CSMD1: variants seen among roughly 807,000 people sequenced by gnomAD.
The protein encoded by CSMD1 is CUB and Sushi multiple domains 1, also known as CUB and sushi domain-containing protein 1.
CSMD1 carries 213 observed loss-of-function variants against 417.5 expected under a neutral mutation model. That is an observed-to-expected ratio of 0.51 (90% CI 0.46 to 0.57). The LOEUF (loss-of-function observed/expected upper bound fraction) is 0.57. Among genes scored for constraint, CSMD1 ranks in the 20% least tolerant of loss-of-function variants. CSMD1 has a pLI of 0.00. For synonymous variants in CSMD1, 2,862 were observed against 1,736.8 expected, an observed-to-expected ratio of 1.65 and a Z score of -16.11; for missense variants, 6,923 against 4,529.7, an observed-to-expected ratio of 1.53 and a Z score of -15.17.
chr8:4,120,220 A>C (rs1040039100), intron 3 of CSMD1, among the ~76,000 whole-genome samples: 1 of 152,186 alleles, frequency 6.6e-6, no homozygotes, highest in African/African-American at 2.4e-5. Context: ...AAAAAAAATT[A>C]ATTGGCTGAC....
intron 1 of CSMD1, among the ~76,000 whole-genome samples, chr8:4,940,464 G>C (rs1367390470): frequency 6.6e-6 from 1 of 152,148 alleles, no homozygotes; most frequent in Non-Finnish European, 1.5e-5. Context: ...ACAAGAGTTG[G>C]GAAGGGCATG....
chr8:3,523,586 G>C (rs1797605811), intron 10 of CSMD1, among the ~76,000 whole-genome samples: 1 of 150,844 alleles, frequency 6.6e-6, no homozygotes, highest in Non-Finnish European at 1.5e-5. Context: ...TGTACACACA[G>C]ACATATGCAC....
At chr8:4,216,000 T>A (rs1489315896) in intron 3 of CSMD1, among the ~76,000 whole-genome samples, 2 of 152,218 alleles carry the variant, frequency 1.3e-5, no homozygotes, top group Non-Finnish European at 2.9e-5. Context: ...GGTGCCCATT[T>A]CAGCCACAAA....
intron 7 of CSMD1, among the ~76,000 whole-genome samples, chr8:3,617,501 A>T (rs1181588231): frequency 6.6e-6 from 1 of 152,128 alleles, no homozygotes; most frequent in Non-Finnish European, 1.5e-5. Flanking sequence ...TGCTTAGCAG[A>T]GGGCTTGGGA....
At chr8:4,719,345 C>T (rs1050238677) in intron 1 of CSMD1, among the ~76,000 whole-genome samples, 2 of 152,112 alleles carry the variant, frequency 1.3e-5, no homozygotes, top group African/African-American at 4.8e-5. Flanking sequence ...TTCTCTCTCA[C>T]GTGCCAATGC....
At chr8:3,521,371 G>C (rs1797501386) in intron 10 of CSMD1, among the ~76,000 whole-genome samples, 1 of 152,036 alleles carries the variant, frequency 6.6e-6, no homozygotes, top group Non-Finnish European at 1.5e-5. Context: ...CATGATGTCA[G>C]CCCTGTTGTC....
At chr8:3,881,089 A>G (rs1806173257) in intron 5 of CSMD1, among the ~76,000 whole-genome samples, 1 of 152,200 alleles carries the variant, frequency 6.6e-6, no homozygotes, top group Non-Finnish European at 1.5e-5. Flanking sequence ...TGAATGCACG[A>G]AATCTGAAAT....
chr8:4,852,613 T>C (rs1357301814), intron 1 of CSMD1, among the ~76,000 whole-genome samples: 2 of 152,170 alleles, frequency 1.3e-5, no homozygotes, highest in African/African-American at 4.8e-5. Context: ...GCTATAAAGA[T>C]ACTTGAAAAT....
At chr8:4,964,166 G>A (rs1252622843) in intron 1 of CSMD1, among the ~76,000 whole-genome samples, 1 of 151,982 alleles carries the variant, frequency 6.6e-6, no homozygotes, top group African/African-American at 2.4e-5. Context: ...GGACCAAGGA[G>A]GAGATAAGAG....
chr8:3,839,631 AACAAGAGTGACACTTC>A (rs1383484473), intron 5 of CSMD1, among the ~76,000 whole-genome samples: 3 of 142,064 alleles, frequency 2.1e-5, no homozygotes, highest in African/African-American at 7.8e-5. Flanking sequence ...CAGCCTGGGC[AACAAGAGTGACACTTC>A]AACTCAGAAA....
intron 2 of CSMD1, among the ~76,000 whole-genome samples, chr8:4,529,097 C>T (rs1001126864): frequency 2.6e-5 from 4 of 152,128 alleles, no homozygotes; most frequent in Non-Finnish European, 5.9e-5. Context: ...AACTCTCTCT[C>T]ATGAGTAACA....
intron 1 of CSMD1, among the ~76,000 whole-genome samples, chr8:4,993,936 G>A (rs1324135098): frequency 1.3e-5 from 2 of 152,082 alleles, no homozygotes; most frequent in African/African-American, 2.4e-5. Context: ...GTCGGGTCCG[G>A]GGAGAAAGTC....
At chr8:3,319,972 GTC>G (rs1173463833) in intron 23 of CSMD1, among the ~76,000 whole-genome samples, 1 of 152,052 alleles carries the variant, frequency 6.6e-6, no homozygotes, top group Non-Finnish European at 1.5e-5. Context: ...TTAGACTTAA[GTC>G]TCTACCAGTG....
intron 1 of CSMD1, among the ~76,000 whole-genome samples, chr8:4,911,381 G>T (rs1293454142): frequency 2.6e-5 from 4 of 152,148 alleles, no homozygotes; most frequent in Non-Finnish European, 5.9e-5. Context: ...AAGTCTGTTG[G>T]TCTTTCTCTA....
At chr8:4,359,084 AT>A (rs1801604718) in intron 3 of CSMD1, among the ~76,000 whole-genome samples, 1 of 152,166 alleles carries the variant, frequency 6.6e-6, no homozygotes, top group African/African-American at 2.4e-5. Context: ...CCAGTTACAC[AT>A]AGTATATTAA....
intron 48 of CSMD1, among the ~76,000 whole-genome samples, chr8:3,091,232 G>A (rs1303853647): frequency 1.3e-5 from 2 of 151,750 alleles, no homozygotes; most frequent in Non-Finnish European, 2.9e-5. Context: ...AATTAATTTT[G>A]ATTATATTAG....
rs1797416178 is a variant in CSMD1, at chr8:3,519,556, T to C, written c.1345-25830A>G. On this transcript the variant is annotated intron_variant, in intron 10 of 69. Transcript: ENST00000635120. ...AAGCTCATTTTGACCTTCCCCGCCA[T>C]GAGGACCAATGAGTACCTTGGTAGA... Among the ~76,000 whole-genome samples the C allele has an allele frequency of 2.0e-5, 3 of 152,244 alleles. No individual in the cohort carries two copies. The South Asian group carries it at 6.2e-4, about 32-fold the overall frequency.
chr8:3,678,989 G>T (rs1167735244), intron 7 of CSMD1, among the ~76,000 whole-genome samples: 1 of 152,084 alleles, frequency 6.6e-6, no homozygotes, highest in African/African-American at 2.4e-5. Context: ...AATGCTGAGA[G>T]ATTTTGCCAC....
chr8:3,118,310 A>T (rs1203718106), intron 42 of CSMD1, 89 bp downstream of exon 42: 6 of 907,348 alleles, frequency 6.6e-6, no homozygotes, highest in Non-Finnish European at 8.3e-6. Flanking sequence ...GAATACATTA[A>T]TAAATTACTG....
Sources: allele counts gnomAD v4.1 joint callset (sites outside exome capture counted in the v4.1 genomes callset), GRCh38; gene constraint gnomAD v4.1.1; transcripts MANE v1.5; gene names NCBI Gene and HGNC (gene_info 2026-07-23, HGNC 2026-07-21).